MAML2: variants seen among roughly 807,000 people sequenced by gnomAD.
MAML2 encodes the protein mastermind like transcriptional coactivator 2, also known as mastermind-like protein 2.
MAML2 carries 22 observed loss-of-function variants against 96.1 expected under a neutral mutation model. That is an observed-to-expected ratio of 0.23 (90% CI 0.16 to 0.33). MAML2 has a LOEUF of 0.33. MAML2 is among the 10% of genes least tolerant of loss of function. MAML2 has a pLI of 1.00. For missense variants in MAML2, 1,367 were observed against 1,392.4 expected (o/e 0.98, Z 0.29); for synonymous variants, 561 against 521.3 (o/e 1.08, Z -1.04).
chr11:96,198,502 C>T (rs1375981540), intron 1 of MAML2, among the ~76,000 whole-genome samples: 1 of 152,196 alleles, frequency 6.6e-6, no homozygotes, highest in Non-Finnish European at 1.5e-5. Context: ...GTTTTGTAAT[C>T]ATCATGGGGG....
Position 96,105,874 on chromosome 11 carries a change from GA to G in MAML2, c.514-12358del, listed in dbSNP as rs34049583. Reference sequence around the variant, plus strand: ...TTTACTAAGATATTTGGTTATAATGGAAAAAAAAAAACCAAAACCTACACTC... The same window carrying G: ...TTTACTAAGATATTTGGTTATAATGGAAAAAAAAAACCAAAACCTACACTC... On this transcript the variant is annotated intron_variant, in intron 1 of 4. Coordinates refer to ENST00000524717, the MANE Select transcript of MAML2 (RefSeq NM_032427.4). Among the ~76,000 whole-genome samples, 30 of 147,744 alleles carry G rather than the reference GA, an allele frequency of 2.0e-4. No individual in the cohort carries two copies. The South Asian group carries it at 2.8e-3, about 14-fold the overall frequency.
intron 2 of MAML2, among the ~76,000 whole-genome samples, chr11:96,091,392 G>C (rs1296894732): frequency 1.3e-5 from 2 of 152,164 alleles, no homozygotes; most frequent in Non-Finnish European, 2.9e-5. Context: ...GCATCACAGG[G>C]AGTCATCGCA....
intron 1 of MAML2, among the ~76,000 whole-genome samples, chr11:96,097,383 G>A (rs949081756): frequency 2.6e-5 from 4 of 152,140 alleles, no homozygotes; most frequent in Non-Finnish European, 5.9e-5. Context: ...GGAGTTGGGA[G>A]CTCCACACTG....
chr11:96,082,749 G>A lies in MAML2; in HGVS notation c.2139+9143C>T, dbSNP rs1182391572. On this transcript the variant is annotated intron_variant, in intron 2 of 4. Coordinates refer to ENST00000524717, the MANE Select transcript of MAML2 (RefSeq NM_032427.4). ...TCCAACTACCATCTGGAGGGACAAG[G>A]TAGCTGGAAAGAAGGAGGTAAAAAG... Among the ~76,000 whole-genome samples, 5 of 152,302 alleles carry A rather than the reference G, an allele frequency of 3.3e-5. No homozygotes were observed. The East Asian group carries it at 9.6e-4, about 29-fold the overall frequency.
At chr11:96,124,043 C>T (rs1860395068) in intron 1 of MAML2, among the ~76,000 whole-genome samples, 2 of 140,788 alleles carry the variant, frequency 1.4e-5, no homozygotes, top group Non-Finnish European at 3.0e-5. Flanking sequence ...ATACTCCAGC[C>T]TGGGCAACGA....
chr11:96,288,222 C>T (rs499866), intron 1 of MAML2, among the ~76,000 whole-genome samples: 59,918 of 152,014 alleles, frequency 0.39, 11,823 homozygotes, highest in East Asian at 0.47. Context: ...GTAACTGTTA[C>T]TTGAAGCTGG....
In MAML2 at chr11:96,343,094, CTGT is replaced by C. The variant is rs1864022923; in HGVS notation, c.-1202_-1200del. 1 of 398,580 alleles carries C rather than the reference CTGT, an allele frequency of 2.5e-6. No individual in the cohort carries two copies. Among genetic ancestry groups the C allele is most frequent in the Non-Finnish European group, 4.4e-6 (1 of 226,074 alleles). The allele number at this position is 398,580 out of a possible 1,614,324, so 24.7% of individuals were successfully genotyped here. A position where few individuals can be genotyped will look rare whatever the true frequency, so the allele number is the denominator to read the frequency against. ...TTGTATTTTCCTTTCTCTTTCTCGT[CTGT>C]TGTTAGCCGCTTTGCTGACACTGGC... is the stretch of plus-strand genomic sequence containing the variant. On this transcript the variant is annotated 5_prime_UTR_variant, in exon 1 of 5. Coordinates refer to ENST00000524717, the MANE Select transcript of MAML2 (RefSeq NM_032427.4).
intron 2 of MAML2, among the ~76,000 whole-genome samples, chr11:96,036,520 G>C (rs185787989): frequency 3.6e-4 from 55 of 152,258 alleles, no homozygotes; most frequent in Admixed American, 2.1e-3. Flanking sequence ...CGGTGAAAAA[G>C]CACTTGGTGT....
intron 1 of MAML2, among the ~76,000 whole-genome samples, chr11:96,172,636 G>A (rs1861315198): frequency 6.6e-6 from 1 of 152,176 alleles, no homozygotes; most frequent in Non-Finnish European, 1.5e-5. Flanking sequence ...AACACAATAT[G>A]AGTAGTGGAA....
At chr11:96,037,203 AAC>A (rs1858730591) in intron 2 of MAML2, among the ~76,000 whole-genome samples, 1 of 148,940 alleles carries the variant, frequency 6.7e-6, no homozygotes, top group East Asian at 2.0e-4. Flanking sequence ...AAACAACAAC[AAC>A]AAAAAAAATA....
chr11:95,990,296 A>T (rs1364346985), intron 3 of MAML2, among the ~76,000 whole-genome samples: 1 of 151,972 alleles, frequency 6.6e-6, no homozygotes, highest in African/African-American at 2.4e-5. Flanking sequence ...TTTAATGTAA[A>T]TTCTGGCCTC....
At chr11:96,212,216 G>T (rs1269711427) in intron 1 of MAML2, among the ~76,000 whole-genome samples, 42 of 151,384 alleles carry the variant, frequency 2.8e-4, no homozygotes, top group Admixed American at 2.7e-3. Flanking sequence ...AACAGGCAGA[G>T]ATATTCAAGA....
At chr11:96,215,590 G>A (rs1197986098) in intron 1 of MAML2, among the ~76,000 whole-genome samples, 1 of 152,148 alleles carries the variant, frequency 6.6e-6, no homozygotes. Flanking sequence ...TCAGTGTGGT[G>A]TAGAAAGGTA....
At chr11:95,989,907 T>C (rs183799005) in intron 3 of MAML2, among the ~76,000 whole-genome samples, 2 of 152,370 alleles carry the variant, frequency 1.3e-5, no homozygotes, top group Admixed American at 6.5e-5. Flanking sequence ...TGTTATACTA[T>C]GTTTACTTTT....
At chr11:96,154,470 T>C (rs1591043309) in intron 1 of MAML2, among the ~76,000 whole-genome samples, 1 of 152,246 alleles carries the variant, frequency 6.6e-6, no homozygotes, top group Non-Finnish European at 1.5e-5. Flanking sequence ...CTGCAGCTTT[T>C]ATCTGCATAT....
chr11:96,244,178 CT>C (rs1188011271), intron 1 of MAML2, among the ~76,000 whole-genome samples: 1 of 152,208 alleles, frequency 6.6e-6, no homozygotes. Flanking sequence ...ATTATTACCC[CT>C]TTTGAGAGCC....
At chr11:96,027,056 C>T (rs892387061) in intron 2 of MAML2, among the ~76,000 whole-genome samples, 4 of 152,118 alleles carry the variant, frequency 2.6e-5, no homozygotes, top group Non-Finnish European at 5.9e-5. Flanking sequence ...ACAGGAAGTA[C>T]AGGATACTGG....
chr11:96,341,796 T>C lies in MAML2; in HGVS notation c.100A>G (p.Ser34Gly). The change falls in exon 1 of 5, where the codon AGT (serine) becomes GGT (glycine). Residue 34 changes from serine to glycine, a missense_variant. Transcript: ENST00000524717. ...GGGSVTPRVHSAIVERLRARI... is the reference protein window; with the variant it reads ...GGGSVTPRVHGAIVERLRARI... ...GCCCGGAGGCGCTCCACGATAGCAC[T>C]GTGCACTCTCGGGGTGACTGAGCCC... The C allele has an allele frequency of 6.2e-7, 1 of 1,607,800 alleles. No homozygotes were observed.
chr11:96,034,084 A>G (rs1294894767), intron 2 of MAML2, among the ~76,000 whole-genome samples: 1 of 152,196 alleles, frequency 6.6e-6, no homozygotes, highest in Non-Finnish European at 1.5e-5. Context: ...CGTTCCTTAT[A>G]GCTCTTGTTA....
Sources: allele counts gnomAD v4.1 joint callset (sites outside exome capture counted in the v4.1 genomes callset), GRCh38; gene constraint gnomAD v4.1.1; transcripts MANE v1.5; gene names NCBI Gene and HGNC (gene_info 2026-07-23, HGNC 2026-07-21).